Variants in ATAD2 observed in about 807,000 individuals in gnomAD.
ATAD2 encodes ATPase family AAA domain containing 2, also known as ATPase family AAA domain-containing protein 2.
ATAD2 carries 62 observed loss-of-function variants against 168.9 expected under a neutral mutation model. The ratio of observed to expected loss-of-function variants is 0.37; its 90% CI spans 0.30 to 0.45. The LOEUF is 0.45. Ranked by LOEUF, ATAD2 falls within the 20% of genes least tolerant of loss-of-function variation. ATAD2 has a pLI of 1.00. For synonymous variants in ATAD2, 613 were observed against 571.6 expected (o/e 1.07, Z -1.03); for missense variants, 1,419 against 1,667.8 (o/e 0.85, Z 2.60).
intron 1 of ATAD2, among the ~76,000 whole-genome samples, chr8:123,395,311 G>C (rs1812771559): frequency 6.6e-6 from 1 of 152,162 alleles, no homozygotes; most frequent in Admixed American, 6.5e-5. Flanking sequence ...AGCAGCTGGG[G>C]TGGGGAGGTG....
chr8:123,399,099 G>A (rs776181193), upstream of ATAD2, among the ~76,000 whole-genome samples: 14 of 151,898 alleles, frequency 9.2e-5, no homozygotes, highest in Non-Finnish European at 2.1e-4. Context: ...CGTCTCTACT[G>A]AAAATACAAA....
chr8:123,372,032 C>A (rs1218997689), intron 3 of ATAD2, among the ~76,000 whole-genome samples, 197 bp from the exon 4 acceptor site: 2 of 151,484 alleles, frequency 1.3e-5, no homozygotes, highest in Admixed American at 6.6e-5. Context: ...AGCCCACCTA[C>A]TCCCAGGAGA....
chr8:123,324,823 C>T (rs1441614735), intron 26 of ATAD2, among the ~76,000 whole-genome samples: 1 of 152,090 alleles, frequency 6.6e-6, no homozygotes, highest in East Asian at 1.9e-4. Flanking sequence ...GGGGAACAGG[C>T]AGGGGAACAG....
chr8:123,377,072 A>C, intron 2 of ATAD2, among the ~76,000 whole-genome samples: 2 of 112,244 alleles, frequency 1.8e-5, no homozygotes, highest in Non-Finnish European at 1.8e-5. Context: ...GCCTGGGCAA[A>C]AAGAGTGAGA....
chr8:123,408,307 A>G (rs1586914859), intron 1 of ATAD2, among the ~76,000 whole-genome samples: 1 of 152,158 alleles, frequency 6.6e-6, no homozygotes, highest in Admixed American at 6.5e-5. Context: ...GAAATCCTAC[A>G]GGGAAATACA....
rs1255737396 is a variant in ATAD2 at position 123,402,499 on chromosome 8, T to C, written c.-2281-1324A>G. Among the ~76,000 whole-genome samples, 9 of 152,162 alleles carry C rather than the reference T, an allele frequency of 5.9e-5. No homozygotes were observed. The highest frequency in any genetic ancestry group is 2.2e-4 in the African/African-American group (9 of 41,448). The stretch of plus-strand genomic sequence containing the variant: ...AATGGTGCTCTCCTGGCCCTGCCTC[T>C]GGCCTACTGCCCCCTCAGCCATGTG... On this transcript the variant is annotated intron_variant, in intron 1 of 28. Transcript: ENST00000521903. This position sits in a 1 kb window ranked among gnomAD's most constrained non-coding sequence, Gnocchi z 4.8.
intron 1 of ATAD2, among the ~76,000 whole-genome samples, chr8:123,389,789 TAAACTC>T (rs991390543): frequency 6.7e-6 from 1 of 150,116 alleles, no homozygotes; most frequent in Non-Finnish European, 1.5e-5. Context: ...CACCTTAACT[TAAACTC>T]TAAGGATCTA....
chr8:123,335,407 T>C (rs1034747218), intron 22 of ATAD2, among the ~76,000 whole-genome samples: 1 of 152,184 alleles, frequency 6.6e-6, no homozygotes, highest in African/African-American at 2.4e-5. Context: ...TTTTCAATTG[T>C]TGAAAAAAAT....
chr8:123,396,671 T>C (rs1349527847), upstream of ATAD2, among the ~76,000 whole-genome samples: 4 of 152,178 alleles, frequency 2.6e-5, no homozygotes, highest in Non-Finnish European at 5.9e-5. Flanking sequence ...TTCACATAGT[T>C]CCGGCTCGCT....
chr8:123,346,832 C>G lies in ATAD2; in HGVS notation c.2213-82G>C. Reference sequence around the variant, plus strand: ...TTGCTTCAGTTACCAAGTCAGCATACTTCAATTAAATTTTTTCAAAGAATC... The same window carrying G: ...TTGCTTCAGTTACCAAGTCAGCATAGTTCAATTAAATTTTTTCAAAGAATC... On this transcript the variant is annotated intron_variant, in intron 16 of 27. Transcript: ENST00000287394. The G allele has an allele frequency of 2.2e-6, 3 of 1,369,678 alleles. 1 individual carries two copies. The highest frequency in any genetic ancestry group is 3.0e-6 in the Non-Finnish European group (3 of 996,420). The allele number at this position is 1,369,678 out of a possible 1,614,324, so 84.8% of individuals were successfully genotyped here.
rs1813017373 is a variant in ATAD2, at chr8:123,402,654, A to C, written c.-2281-1479T>G. ...CCCTGGGGAGAAGGCTGCTCTGGTC[A>C]TGGCTGCCTGCCCCTCATTCCTGAC... On this transcript the variant is annotated intron_variant, in intron 1 of 28. Coordinates refer to the ATAD2 transcript ENST00000521903. This position sits in a 1 kb window ranked among gnomAD's most constrained non-coding sequence, Gnocchi z 4.8. Among the ~76,000 whole-genome samples the C allele has an allele frequency of 6.6e-6, 1 of 152,090 alleles. No individual in the cohort carries two copies. The highest frequency in any genetic ancestry group is 1.5e-5 in the Non-Finnish European group (1 of 67,992).
intron 20 of ATAD2, among the ~76,000 whole-genome samples, chr8:123,338,153 G>A (rs1253649424): frequency 3.3e-5 from 5 of 152,182 alleles, no homozygotes; most frequent in Admixed American, 6.5e-5. Flanking sequence ...TCAGGAGATC[G>A]AGACCACCCT....
chr8:123,321,987 C>CTTT (rs869048943), intron 27 of ATAD2, among the ~76,000 whole-genome samples: 6,215 of 136,400 alleles, frequency 0.046, 597 homozygotes, highest in African/African-American at 0.17. Context: ...GTACATAAGT[C>CTTT]TTTTTTTTTT....
At chr8:123,393,054 G>GCC (rs1812660200) in intron 1 of ATAD2, among the ~76,000 whole-genome samples, 1 of 152,106 alleles carries the variant, frequency 6.6e-6, no homozygotes, top group East Asian at 1.9e-4. Flanking sequence ...CGTGTTGGCG[G>GCC]GTGCCTGTAG....
Position 123,380,444 on chromosome 8 carries a change from C to G in ATAD2, c.320+85G>C, listed in dbSNP as rs1829461905. 13 of 1,439,858 alleles carry G rather than the reference C, an allele frequency of 9.0e-6. No homozygotes were observed. In the South Asian group the frequency reaches 1.4e-4, roughly 16 times the overall value. 89.2% of individuals were successfully genotyped at this position (1,439,858 alleles called of 1,614,324 possible). On this transcript the variant is annotated intron_variant, in intron 2 of 27. Transcript: ENST00000287394. ...TAGCCCTAGAACCTTGATGACCAGTCAAAAATACACTTCAAAAATTAAAGC... is the reference window on the plus strand; with the variant it reads ...TAGCCCTAGAACCTTGATGACCAGTGAAAAATACACTTCAAAAATTAAAGC...
upstream of ATAD2, among the ~76,000 whole-genome samples, chr8:123,398,850 G>GA (rs1488853459): frequency 3.3e-5 from 5 of 151,880 alleles, no homozygotes; most frequent in Non-Finnish European, 5.9e-5. Flanking sequence ...TTTTACAATA[G>GA]AAAAAAACTT....
chr8:123,406,816 CAAA>C (rs61473512), intron 1 of ATAD2, among the ~76,000 whole-genome samples: 81,806 of 134,794 alleles, frequency 0.61, 24,325 homozygotes, highest in East Asian at 0.96. Flanking sequence ...GACCCTGTCT[CAAA>C]AAAAAAAAAA....
chr8:123,379,581 G>A (rs1021638188), intron 2 of ATAD2, among the ~76,000 whole-genome samples: 1 of 120,924 alleles, frequency 8.3e-6, no homozygotes, highest in African/African-American at 3.2e-5. Context: ...TTTTTTTTTG[G>A]AGATGGAGTC....
At chr8:123,332,143 CCTAA>C (rs1361486209) in intron 24 of ATAD2, among the ~76,000 whole-genome samples, 3 of 151,994 alleles carry the variant, frequency 2.0e-5, no homozygotes, top group South Asian at 2.1e-4. Flanking sequence ...CTGTGACATA[CCTAA>C]CTTTTTCACT....
Sources: gnomAD v4.1 joint callset for allele counts (sites outside exome capture counted in the v4.1 genomes callset) on GRCh38, gnomAD v4.1.1 for gene constraint, Gnocchi (gnomAD v3.1) non-coding constraint, MANE v1.5 for transcripts, NCBI Gene and HGNC (gene_info 2026-07-23, HGNC 2026-07-21) for gene names.